The following USH2A variants were observed in gnomAD, a reference collection of about 807,000 sequenced individuals.
The protein encoded by USH2A is Usher syndrome 2A (autosomal recessive, mild).
In USH2A, 443 loss-of-function variants were observed where a neutral mutation model predicts 538.9. That is an observed-to-expected ratio of 0.82 (90% confidence interval 0.76 to 0.89). The LOEUF (loss-of-function observed/expected upper bound fraction) is 0.89, where lower values mean the gene tolerates loss of function less well. Among genes scored for constraint, USH2A ranks in the 40% least tolerant of loss-of-function variants. USH2A has a pLI of 0.00. For missense variants in USH2A, 6,633 were observed against 6,324.8 expected (o/e 1.05, Z -1.65); for synonymous variants, 2,413 against 2,273.5 (o/e 1.06, Z -1.75).
intron 21 of USH2A, among the ~76,000 whole-genome samples, chr1:216,131,160 A>G (rs2033368586): frequency 6.6e-6 from 1 of 150,394 alleles, no homozygotes; most frequent in Non-Finnish European, 1.5e-5. Context: ...GGGATTGTTC[A>G]TTTTTTTCTT....
At chr1:215,676,460 C>T (rs528821713) in intron 62 of USH2A, among the ~76,000 whole-genome samples, 11 of 152,276 alleles carry the variant, frequency 7.2e-5, no homozygotes, top group African/African-American at 2.6e-4. Flanking sequence ...AGATGACACA[C>T]TCCTTTCGAT....
intron 27 of USH2A, among the ~76,000 whole-genome samples, chr1:216,077,181 T>A (rs2031780605): frequency 6.6e-6 from 1 of 152,156 alleles, no homozygotes; most frequent in Admixed American, 6.6e-5. Context: ...GAACCATGAC[T>A]GCCACAAGAA....
At chr1:215,991,364 T>C (rs994323324) in intron 35 of USH2A, among the ~76,000 whole-genome samples, 1 of 152,104 alleles carries the variant, frequency 6.6e-6, no homozygotes, top group Non-Finnish European at 1.5e-5. Context: ...CGAAGACAGA[T>C]GGAGAGACAA....
At chr1:215,791,624 G>A (rs1661984840) in intron 50 of USH2A, among the ~76,000 whole-genome samples, 1 of 152,144 alleles carries the variant, frequency 6.6e-6, no homozygotes, top group Non-Finnish European at 1.5e-5. Context: ...TTTATCTAAT[G>A]TGATAACTCT....
At chr1:216,101,958 A>T (rs1351172898) in intron 21 of USH2A, among the ~76,000 whole-genome samples, 1 of 152,230 alleles carries the variant, frequency 6.6e-6, no homozygotes, top group East Asian at 1.9e-4. Flanking sequence ...CAACTTTAAA[A>T]TTTAATCATA....
chr1:216,365,181 T>C (rs1347763502), intron 3 of USH2A, 96 bp from the exon 4 acceptor site: 2 of 1,414,318 alleles, frequency 1.4e-6, no homozygotes, highest in Non-Finnish European at 1.9e-6. Flanking sequence ...CTTTCTTTCT[T>C]CTTTACTTTG....
intron 50 of USH2A, among the ~76,000 whole-genome samples, chr1:215,793,728 A>G (rs1321277148): frequency 6.6e-6 from 1 of 152,214 alleles, no homozygotes; most frequent in South Asian, 2.1e-4. Context: ...TACTGAAGTC[A>G]GAGTCCAGGA....
chr1:215,823,401 T>A (rs1334675932), intron 47 of USH2A, among the ~76,000 whole-genome samples: 2 of 152,084 alleles, frequency 1.3e-5, no homozygotes, highest in Non-Finnish European at 2.9e-5. Flanking sequence ...TTGAGTAGAC[T>A]GTTGCCAAAC....
At chr1:216,415,867 C>A (rs1030648502) in intron 3 of USH2A, among the ~76,000 whole-genome samples, 1 of 151,924 alleles carries the variant, frequency 6.6e-6, no homozygotes, top group Non-Finnish European at 1.5e-5. Flanking sequence ...TCAGTACATT[C>A]CTTTTTCAAA....
intron 3 of USH2A, among the ~76,000 whole-genome samples, chr1:216,381,664 T>C (rs1193483042): frequency 6.6e-6 from 1 of 152,224 alleles, no homozygotes; most frequent in Non-Finnish European, 1.5e-5. Flanking sequence ...GTTCCTCTAA[T>C]CTCCAAAGTA....
chr1:215,967,501 C>T (rs746320491), intron 36 of USH2A, among the ~76,000 whole-genome samples: 10 of 152,088 alleles, frequency 6.6e-5, no homozygotes, highest in Admixed American at 2.0e-4. Flanking sequence ...TCTTGCAATG[C>T]GCCAGAAATT....
chr1:215,680,531 G>A (rs1400115192), intron 61 of USH2A, among the ~76,000 whole-genome samples, 155 bp from the exon 62 acceptor site: 2 of 151,740 alleles, frequency 1.3e-5, no homozygotes, highest in South Asian at 4.2e-4. Flanking sequence ...AGAAAACAAC[G>A]CATTTTTTCT....
At chr1:215,694,992 T>A (rs1292058227) in intron 61 of USH2A, among the ~76,000 whole-genome samples, 1 of 152,240 alleles carries the variant, frequency 6.6e-6, no homozygotes, top group Non-Finnish European at 1.5e-5. Flanking sequence ...GTAGTGGTAA[T>A]CCTAGGCAAT....
At chr1:215,893,573 C>T (rs1665256994) in intron 40 of USH2A, among the ~76,000 whole-genome samples, 1 of 152,154 alleles carries the variant, frequency 6.6e-6, no homozygotes, top group African/African-American at 2.4e-5. Context: ...TATAATACAC[C>T]CTCAATAAAA....
intron 21 of USH2A, among the ~76,000 whole-genome samples, chr1:216,135,156 TC>T (rs2033456684): frequency 7.2e-6 from 1 of 139,206 alleles, no homozygotes; most frequent in Non-Finnish European, 1.5e-5. Context: ...TCTCTCTCTC[TC>T]TCTCTCTCTC....
At chr1:216,063,931 A>T (rs1349515444) in intron 30 of USH2A, among the ~76,000 whole-genome samples, 2 of 152,232 alleles carry the variant, frequency 1.3e-5, no homozygotes, top group Non-Finnish European at 2.9e-5. Flanking sequence ...TGTGTGCTAT[A>T]CATGCATTTA....
intron 2 of USH2A, among the ~76,000 whole-genome samples, chr1:216,419,645 G>A (rs1403594099): frequency 6.6e-6 from 1 of 152,060 alleles, no homozygotes; most frequent in East Asian, 1.9e-4. Context: ...AGATCATTTA[G>A]ATCATGAGTA....
At chr1:216,074,584 A>G (rs550992877) in intron 27 of USH2A, among the ~76,000 whole-genome samples, 1 of 152,274 alleles carries the variant, frequency 6.6e-6, no homozygotes, top group African/African-American at 2.4e-5. Context: ...ACTATTATCC[A>G]CATTTTTTTA....
chr1:216,384,268 A>G (rs892170048), intron 3 of USH2A, among the ~76,000 whole-genome samples: 3 of 152,038 alleles, frequency 2.0e-5, no homozygotes, highest in African/African-American at 7.2e-5. Context: ...ATAAAAATGC[A>G]GACCCCTTTA....
Sources: gnomAD v4.1 joint callset for allele counts (sites outside exome capture counted in the v4.1 genomes callset) on GRCh38, gnomAD v4.1.1 for gene constraint, MANE v1.5 for transcripts, NCBI Gene and HGNC (gene_info 2026-07-23, HGNC 2026-07-21) for gene names.